The following SCMH1 variants were observed in gnomAD, a reference collection of about 807,000 sequenced individuals.
SCMH1 encodes polycomb protein SCMH1.
Under a neutral mutation model 70.8 loss-of-function variants are expected in SCMH1, and 37 were observed. That is an observed-to-expected ratio of 0.52 (90% CI 0.40 to 0.69). The LOEUF (loss-of-function observed/expected upper bound fraction) is 0.69. Ranked by LOEUF, SCMH1 falls within the 30% of genes least tolerant of loss-of-function variation. SCMH1 has a pLI of 0.00. For synonymous variants in SCMH1, 292 were observed against 307.4 expected (o/e 0.95, Z 0.52); for missense variants, 607 against 827.3 (o/e 0.73, Z 3.27).
intron 8 of SCMH1, among the ~76,000 whole-genome samples, chr1:41,093,737 T>C (rs947086801): frequency 1.3e-5 from 2 of 152,212 alleles, no homozygotes; most frequent in Non-Finnish European, 2.9e-5. Context: ...TTATTCAGTA[T>C]CAAAAATACA....
intron 12 of SCMH1, among the ~76,000 whole-genome samples, chr1:41,042,507 A>G (rs922062096): frequency 1.3e-5 from 2 of 152,098 alleles, no homozygotes; most frequent in Non-Finnish European, 2.9e-5. Flanking sequence ...TGGCCTCCCA[A>G]AGTGCTGGGA....
At chr1:41,179,875 T>C (rs1648201588) in intron 2 of SCMH1, among the ~76,000 whole-genome samples, 1 of 152,174 alleles carries the variant, frequency 6.6e-6, no homozygotes, top group Non-Finnish European at 1.5e-5. Context: ...GAGGCCAGCA[T>C]CATCCTGATA....
chr1:41,218,486 G>T (rs893226894), intron 1 of SCMH1, among the ~76,000 whole-genome samples: 5 of 152,068 alleles, frequency 3.3e-5, no homozygotes, highest in African/African-American at 9.7e-5. Flanking sequence ...GAACACCAAG[G>T]ACTGAGCTAG....
At chr1:41,188,549 ATGGTTGTGGCT>A (rs1374481003) in intron 1 of SCMH1, among the ~76,000 whole-genome samples, 1 of 152,176 alleles carries the variant, frequency 6.6e-6, no homozygotes, top group Non-Finnish European at 1.5e-5. Flanking sequence ...TTAGACATAC[ATGGTTGTGGCT>A]ACTCATTGCA....
At chr1:41,186,453 A>G (rs751844063) in intron 1 of SCMH1, among the ~76,000 whole-genome samples, 1 of 152,236 alleles carries the variant, frequency 6.6e-6, no homozygotes, top group Non-Finnish European at 1.5e-5. Context: ...CTCTATATTC[A>G]CAGAAATAAA....
At chr1:41,232,598 TA>T (rs1661518252) in intron 1 of SCMH1, among the ~76,000 whole-genome samples, 1 of 152,194 alleles carries the variant, frequency 6.6e-6, no homozygotes, top group African/African-American at 2.4e-5. Context: ...TCCTATTACT[TA>T]TAAACTGCAT....
intron 1 of SCMH1, among the ~76,000 whole-genome samples, chr1:41,221,481 C>T (rs546096591): frequency 3.4e-5 from 5 of 147,944 alleles, no homozygotes; most frequent in African/African-American, 4.9e-5. Context: ...AGCAAGATAC[C>T]ATTTCTACAA....
At chr1:41,127,727 G>C (rs1294671783) in intron 6 of SCMH1, among the ~76,000 whole-genome samples, 1 of 152,154 alleles carries the variant, frequency 6.6e-6, no homozygotes, top group Non-Finnish European at 1.5e-5. Flanking sequence ...TCACGGGGTA[G>C]AGCCCTTATT....
rs1483397254 is a variant in SCMH1 at position 41,201,214 on chromosome 1, A to C, written c.-117-14964T>G. On this transcript the variant is annotated intron_variant, in intron 1 of 14. Coordinates refer to ENST00000337495, the Ensembl canonical transcript of SCMH1. ...AGTCTCAGATTCTTATCTTTTAAAA[A>C]CTGAGGGAGTTATAAATCCATGGCA... is the stretch of plus-strand genomic sequence containing the variant. Among the ~76,000 whole-genome samples the C allele has an allele frequency of 2.6e-5, 4 of 152,164 alleles. No individual in the cohort carries two copies. In the East Asian group the frequency reaches 7.7e-4, roughly 29 times the overall value.
intron 1 of SCMH1, among the ~76,000 whole-genome samples, chr1:41,190,685 T>G (rs1426030598): frequency 1.3e-5 from 2 of 152,186 alleles, no homozygotes; most frequent in Non-Finnish European, 2.9e-5. Context: ...TGCATGTATG[T>G]ATGTGTGTAT....
chr1:41,146,172 G>A lies in SCMH1; in HGVS notation c.178-3060C>T, dbSNP rs538141075. ...TACTGATGATCCCGAGTCTGTGTAG[G>A]CCTAGGGTAATGTCTTAAGTTTTTT... is the stretch of plus-strand genomic sequence containing the variant. On this transcript the variant is annotated intron_variant, in intron 5 of 14. Transcript: ENST00000337495. 2.0e-5 allele frequency among the ~76,000 whole-genome samples: 3 copies of A among 151,484 alleles called. No homozygotes were observed. In the South Asian group the frequency reaches 6.3e-4, roughly 32 times the overall value.
At chr1:41,189,686 G>A (rs1456133515) in intron 1 of SCMH1, among the ~76,000 whole-genome samples, 1 of 152,188 alleles carries the variant, frequency 6.6e-6, no homozygotes, top group Non-Finnish European at 1.5e-5. Context: ...GTGTCCCCCT[G>A]CTCCACTTGC....
At chr1:41,234,261 CCT>C (rs1433314754) in intron 1 of SCMH1, among the ~76,000 whole-genome samples, 17 of 152,022 alleles carry the variant, frequency 1.1e-4, no homozygotes, top group Non-Finnish European at 1.9e-4. Flanking sequence ...TAGCAAGACC[CCT>C]GTTTTTTTTC....
At chr1:41,077,496 A>G (rs954938732) in intron 8 of SCMH1, among the ~76,000 whole-genome samples, 21 of 152,214 alleles carry the variant, frequency 1.4e-4, no homozygotes, top group African/African-American at 4.8e-4. Context: ...AGGTTCCACT[A>G]GAAGTAGGTA....
exon 5 of SCMH1, chr1:41,151,683 A>C: frequency 1.2e-6 from 2 of 1,609,360 alleles, no homozygotes; most frequent in Non-Finnish European, 8.5e-7. Flanking sequence ...AGGTAAAATG[A>C]CCTGTAAAGG....
intron 10 of SCMH1, among the ~76,000 whole-genome samples, chr1:41,050,203 C>A (rs987544563): frequency 6.6e-6 from 1 of 152,164 alleles, no homozygotes; most frequent in African/African-American, 2.4e-5. Context: ...TGGAGTTGTT[C>A]TCTCCTCAGG....
intron 8 of SCMH1, among the ~76,000 whole-genome samples, chr1:41,091,511 C>A (rs1014543660): frequency 1.3e-5 from 2 of 152,176 alleles, no homozygotes; most frequent in African/African-American, 4.8e-5. Context: ...TCCTATTCAA[C>A]ATAGTGTTGG....
intron 10 of SCMH1, 82 bp downstream of exon 10, chr1:41,070,513 C>T (rs1199999466): frequency 9.9e-6 from 15 of 1,516,334 alleles, no homozygotes; most frequent in Non-Finnish European, 1.3e-5. Flanking sequence ...TGGAAAGGTG[C>T]TAATTACTGG....
At chr1:41,040,101 GGA>G (rs1159419947) in intron 12 of SCMH1, among the ~76,000 whole-genome samples, 1 of 152,034 alleles carries the variant, frequency 6.6e-6, no homozygotes, top group Admixed American at 6.6e-5. Context: ...TCTATAAAAT[GGA>G]GAGGAAAAAT....
Sources: allele counts gnomAD v4.1 joint callset (sites outside exome capture counted in the v4.1 genomes callset), GRCh38; gene constraint gnomAD v4.1.1; transcripts MANE v1.5; gene names NCBI Gene and HGNC (gene_info 2026-07-23, HGNC 2026-07-21).